The following ZC3H18 variants were observed in gnomAD, a reference collection of about 807,000 sequenced individuals.
ZC3H18 encodes zinc finger CCCH domain-containing protein 18.
In ZC3H18, 8 loss-of-function variants were observed where a neutral mutation model predicts 106.1. That is an observed-to-expected ratio of 0.08 (90% CI 0.04 to 0.14). The LOEUF (loss-of-function observed/expected upper bound fraction) is 0.14. Ranked by LOEUF, ZC3H18 falls within the 10% of genes least tolerant of loss-of-function variation. The pLI is 1.00. For synonymous variants in ZC3H18, 635 were observed against 522.1 expected, an observed-to-expected ratio of 1.22 and a Z score of -2.95; for missense variants, 1,318 against 1,278.4, an observed-to-expected ratio of 1.03 and a Z score of -0.47.
At chr16:88,606,915 G>A (rs1905035227) in intron 6 of ZC3H18, among the ~76,000 whole-genome samples, 1 of 152,144 alleles carries the variant, frequency 6.6e-6, no homozygotes, top group Non-Finnish European at 1.5e-5. Flanking sequence ...GATGCCTCAG[G>A]TTCCCACCCA....
intron 3 of ZC3H18, among the ~76,000 whole-genome samples, chr16:88,588,118 G>T (rs905673480): frequency 2.6e-5 from 4 of 152,196 alleles, no homozygotes; most frequent in African/African-American, 7.2e-5. Context: ...AAAAGCTTTG[G>T]TATTCACAGT....
At chr16:88,626,300 C>T (rs1906306284) in intron 13 of ZC3H18, 1 of 151,998 alleles carries the variant, frequency 6.6e-6, no homozygotes, top group Admixed American at 6.6e-5. Flanking sequence ...GCCTATGATC[C>T]CAGCTACTTG....
intron 6 of ZC3H18, among the ~76,000 whole-genome samples, chr16:88,607,325 C>G (rs997910085): frequency 2.0e-5 from 3 of 152,178 alleles, no homozygotes; most frequent in African/African-American, 4.8e-5. Flanking sequence ...TCTGGCGTGT[C>G]TTTTCATTTC....
chr16:88,603,005 C>T (rs1161520014), intron 6 of ZC3H18, among the ~76,000 whole-genome samples: 1 of 151,666 alleles, frequency 6.6e-6, no homozygotes. Flanking sequence ...CGCTCTGTCA[C>T]CCAGGCTGGA....
Position 88,624,071 on chromosome 16 carries a change from C to T in ZC3H18, c.1898+9C>T, listed in dbSNP as rs1451258294. ...CCGCCCGGGAAAGCAGGGTGAGTGCCCAGCCTGTGGGCAAGTCCTGGCCGG... is the reference window on the plus strand; with the variant it reads ...CCGCCCGGGAAAGCAGGGTGAGTGCTCAGCCTGTGGGCAAGTCCTGGCCGG... On this transcript the variant is annotated intron_variant, in intron 11 of 17. Transcript: ENST00000301011. 2.5e-6 allele frequency: 4 copies of T among 1,606,040 alleles called. No individual in the cohort carries two copies. The highest frequency in any genetic ancestry group is 1.1e-5 in the South Asian group (1 of 89,504).
Position 88,624,555 on chromosome 16 carries a change from G to A in ZC3H18, c.1899-47G>A, listed in dbSNP as rs148691727. 11,331 of 1,612,174 alleles carry A rather than the reference G, an allele frequency of 7.0e-3. 59 individuals carry two copies. The highest frequency in any genetic ancestry group is 8.3e-3 in the Non-Finnish European group (9,843 of 1,179,352). ...ATTGAAAGGGGATGTAGGCCAGCGG[G>A]GCCCCGTCCACCAGCCCTGCCCTGC... On this transcript the variant is annotated intron_variant, in intron 11 of 17. Coordinates refer to ENST00000301011, the MANE Select transcript of ZC3H18 (RefSeq NM_144604.4).
At chr16:88,606,487 C>T (rs1189516134) in intron 6 of ZC3H18, among the ~76,000 whole-genome samples, 4 of 152,178 alleles carry the variant, frequency 2.6e-5, no homozygotes, top group East Asian at 1.9e-4. Flanking sequence ...ACAAATTTGC[C>T]GGCACAGTCC....
chr16:88,587,101 C>T (rs1045062619), intron 3 of ZC3H18, among the ~76,000 whole-genome samples: 3 of 152,172 alleles, frequency 2.0e-5, no homozygotes, highest in Non-Finnish European at 2.9e-5. Context: ...AAGATGTGTC[C>T]GAAGCGTTTG....
At chr16:88,629,001 G>C in intron 16 of ZC3H18, 147 bp downstream of exon 16, 1 of 737,854 alleles carries the variant, frequency 1.4e-6, no homozygotes, top group Non-Finnish European at 2.2e-6. Flanking sequence ...TCGGTATTTA[G>C]GGTGTTGAAA....
intron 1 of ZC3H18, among the ~76,000 whole-genome samples, chr16:88,576,510 C>T (rs981008358): frequency 3.9e-5 from 6 of 152,070 alleles, no homozygotes; most frequent in East Asian, 1.9e-4. Context: ...CCAGTGAACA[C>T]GCAGGCAGGG....
At chr16:88,606,569 C>T (rs1905021162) in intron 6 of ZC3H18, among the ~76,000 whole-genome samples, 1 of 152,230 alleles carries the variant, frequency 6.6e-6, no homozygotes, top group Non-Finnish European at 1.5e-5. Context: ...ACGCAATCAG[C>T]CTCAGCCCAC....
chr16:88,588,707 C>G (rs1465370163), intron 3 of ZC3H18, among the ~76,000 whole-genome samples: 1 of 152,010 alleles, frequency 6.6e-6, no homozygotes, highest in African/African-American at 2.4e-5. Context: ...ATAGTGAGAC[C>G]TTGTCTCTAC....
At chr16:88,624,470 G>T (rs1906167529) in intron 11 of ZC3H18, 132 bp from the exon 12 acceptor site, 6 of 1,273,772 alleles carry the variant, frequency 4.7e-6, no homozygotes, top group Non-Finnish European at 4.3e-6. Flanking sequence ...CCGTGTCCAG[G>T]CACGAGCGTG....
Position 88,631,595 on chromosome 16 carries a change from C to T in ZC3H18, c.*296C>T. 1 of 503,208 alleles carries T rather than the reference C, an allele frequency of 2.0e-6. No individual in the cohort carries two copies. The allele number at this position is 503,208 out of a possible 1,614,324, so 31.2% of individuals were successfully genotyped here. A position where few individuals can be genotyped will look rare whatever the true frequency, so the allele number is the denominator to read the frequency against. ...CCAGCCCCGCCTTCTCTTCCTCCTCCTCCGTCTTCTTCCCTGGCCCTGGTC... is the reference window on the plus strand; with the variant it reads ...CCAGCCCCGCCTTCTCTTCCTCCTCTTCCGTCTTCTTCCCTGGCCCTGGTC... On this transcript the variant is annotated 3_prime_UTR_variant, in exon 18 of 18. Transcript: ENST00000301011.
intron 3 of ZC3H18, among the ~76,000 whole-genome samples, chr16:88,597,849 A>C (rs1378786637): frequency 6.6e-6 from 1 of 152,260 alleles, no homozygotes; most frequent in Admixed American, 6.5e-5. Context: ...GGCTGGAAGC[A>C]AAGCTCTGGG....
rs375145870 is a variant in ZC3H18 at position 88,572,525 on chromosome 16, C to T, written c.-15+1959C>T. On this transcript the variant is annotated intron_variant, in intron 1 of 17. Coordinates refer to ENST00000301011, the MANE Select transcript of ZC3H18 (RefSeq NM_144604.4). Reference sequence around the variant, plus strand: ...AATGCAGAAAGCAACGGAGACGGGACGATGGGCACTTGTTATTTCATTCCT... The same window carrying T: ...AATGCAGAAAGCAACGGAGACGGGATGATGGGCACTTGTTATTTCATTCCT... Among the ~76,000 whole-genome samples the T allele has an allele frequency of 5.3e-4, 81 of 152,140 alleles. No homozygotes were observed. In the South Asian group the frequency reaches 0.015, roughly 28 times the overall value.
chr16:88,578,232 T>A (rs2142538049), intron 2 of ZC3H18, among the ~76,000 whole-genome samples: 1 of 152,366 alleles, frequency 6.6e-6, no homozygotes, highest in Admixed American at 6.5e-5. Flanking sequence ...GGGCACCAGC[T>A]GGGCCAGGCC....
chr16:88,625,796 T>TGAC (rs71391399), intron 13 of ZC3H18: 85,140 of 152,156 alleles, frequency 0.56, 24,684 homozygotes, highest in Middle Eastern at 0.71. Flanking sequence ...GCCCAGGACT[T>TGAC]GACCAGCCTG....
chr16:88,612,318 A>G (rs1050784004), intron 8 of ZC3H18, among the ~76,000 whole-genome samples: 1 of 152,114 alleles, frequency 6.6e-6, no homozygotes, highest in African/African-American at 2.4e-5. Flanking sequence ...AGTGGTTTCT[A>G]GAATATTCAC....
Sources: gnomAD v4.1 joint callset for allele counts (sites outside exome capture counted in the v4.1 genomes callset) on GRCh38, gnomAD v4.1.1 for gene constraint, MANE v1.5 for transcripts, NCBI Gene and HGNC (gene_info 2026-07-23, HGNC 2026-07-21) for gene names.